WIF1: variants seen among roughly 807,000 people sequenced by gnomAD.
WIF1 encodes Wnt inhibitory factor 1.
A neutral mutation model predicts 53.5 loss-of-function variants in WIF1; 35 were observed. The ratio of observed to expected loss-of-function variants is 0.65; its 90% CI spans 0.50 to 0.87. WIF1 has a LOEUF of 0.87. Ranked by LOEUF, WIF1 falls within the 40% of genes least tolerant of loss-of-function variation. The pLI is 0.00. For synonymous variants in WIF1, 171 were observed against 170.4 expected, an observed-to-expected ratio of 1.00 and a Z score of -0.03; for missense variants, 467 against 476.8, an observed-to-expected ratio of 0.98 and a Z score of 0.19.
At chr12:65,092,594 G>C (rs1403344621) in intron 2 of WIF1, among the ~76,000 whole-genome samples, 2 of 151,864 alleles carry the variant, frequency 1.3e-5, no homozygotes, top group African/African-American at 4.8e-5. Flanking sequence ...TTTTACTAGA[G>C]ACTGGAATAA....
rs553194944 is a variant in WIF1 at position 65,070,015 on chromosome 12, C to A, written c.398-1111G>T. ...AGTTATGGTTTCTGCCAAGCTTGTG[C>A]AAACTGTATCAAGCTAAGACAAATC... On this transcript the variant is annotated intron_variant, in intron 3 of 9. Coordinates refer to ENST00000286574, the MANE Select transcript of WIF1 (RefSeq NM_007191.5). Among the ~76,000 whole-genome samples the A allele has an allele frequency of 1.7e-3, 266 of 152,252 alleles. 1 individual carries two copies. Among genetic ancestry groups the A allele is most frequent in the African/African-American group, 6.2e-3 (256 of 41,554 alleles).
chr12:65,101,208 A>C (rs544515663), intron 2 of WIF1, among the ~76,000 whole-genome samples: 13 of 152,206 alleles, frequency 8.5e-5, no homozygotes, highest in African/African-American at 3.1e-4. Flanking sequence ...GTGAGTAAAA[A>C]GTTTTGCAAG....
At chr12:65,068,281 C>T (rs1054195924) in intron 4 of WIF1, among the ~76,000 whole-genome samples, 1 of 152,006 alleles carries the variant, frequency 6.6e-6, no homozygotes, top group South Asian at 2.1e-4. Context: ...TTGAGTGAGG[C>T]CTTGACCTGG....
intron 6 of WIF1, among the ~76,000 whole-genome samples, chr12:65,066,041 C>G (rs1882681921): frequency 1.3e-5 from 2 of 152,148 alleles, no homozygotes; most frequent in South Asian, 4.1e-4. Context: ...TAGAAGCTCA[C>G]CCACAAAACC....
intron 7 of WIF1, among the ~76,000 whole-genome samples, chr12:65,062,221 T>C (rs1055004690): frequency 1.5e-4 from 23 of 152,118 alleles, no homozygotes; most frequent in African/African-American, 5.3e-4. Context: ...AATGCAACTG[T>C]TGAATAATCC....
At chr12:65,084,443 C>T (rs1045674383) in intron 2 of WIF1, among the ~76,000 whole-genome samples, 2 of 152,144 alleles carry the variant, frequency 1.3e-5, no homozygotes, top group South Asian at 2.1e-4. Flanking sequence ...CTCACTGGCC[C>T]GAGGTGATAC....
At chr12:65,087,656 C>A (rs2136627807) in intron 2 of WIF1, among the ~76,000 whole-genome samples, 1 of 152,046 alleles carries the variant, frequency 6.6e-6, no homozygotes, top group Non-Finnish European at 1.5e-5. Context: ...CAGACTTTCC[C>A]CCTTAGCTTA....
chr12:65,085,741 G>A (rs1883028312), intron 2 of WIF1, among the ~76,000 whole-genome samples: 2 of 152,122 alleles, frequency 1.3e-5, no homozygotes. Context: ...CTGGACTGAG[G>A]GAGTGAGGTT....
At chr12:65,104,129 C>T (rs192167241) in intron 2 of WIF1, among the ~76,000 whole-genome samples, 4 of 152,244 alleles carry the variant, frequency 2.6e-5, no homozygotes, top group Admixed American at 1.3e-4. Flanking sequence ...AGATAATCCA[C>T]GTAAATTACC....
chr12:65,054,197 C>T (rs1419593772), intron 9 of WIF1: 1 of 151,362 alleles, frequency 6.6e-6, no homozygotes, highest in African/African-American at 2.4e-5. Context: ...AGGCATGTGC[C>T]AACACTCCCA....
Position 65,077,789 on chromosome 12 carries a change from G to T in WIF1, c.354C>A (p.Thr118=), listed in dbSNP as rs544348613. 2.5e-6 allele frequency: 4 copies of T among 1,613,844 alleles called. No homozygotes were observed. In the South Asian group the frequency reaches 4.4e-5, roughly 18 times the overall value. Residue 118 remains threonine (T), a synonymous_variant, in exon 3 of 10, where the codon ACC becomes ACA. Transcript: ENST00000286574. Reference sequence around the variant, plus strand: ...CTGTTCCCAGCAGAGGGACATTGACGGTTGGATCTGCCATGATGCCTTTAT... The same window carrying T: ...CTGTTCCCAGCAGAGGGACATTGACTGTTGGATCTGCCATGATGCCTTTAT... ...SLDKGIMADP[T]VNVPLLGTVP...
chr12:65,070,407 A>T (rs569085121), intron 3 of WIF1, among the ~76,000 whole-genome samples: 1 of 152,342 alleles, frequency 6.6e-6, no homozygotes, highest in African/African-American at 2.4e-5. Context: ...ATGAAATCTC[A>T]TATATAAAAA....
intron 7 of WIF1, 37 bp from the exon 8 acceptor site, chr12:65,056,163 G>A (rs762420054): frequency 6.3e-7 from 1 of 1,584,252 alleles, no homozygotes; most frequent in Admixed American, 1.7e-5. Flanking sequence ...CAAGGAACCT[G>A]GTGCTTCATT....
chr12:65,097,925 T>C (rs1883228939), intron 2 of WIF1, among the ~76,000 whole-genome samples: 1 of 152,198 alleles, frequency 6.6e-6, no homozygotes, highest in African/African-American at 2.4e-5. Context: ...AAAACATGTT[T>C]ACTAAATGGA....
chr12:65,059,976 G>C (rs973899376), intron 7 of WIF1, among the ~76,000 whole-genome samples: 2 of 151,938 alleles, frequency 1.3e-5, no homozygotes, highest in Non-Finnish European at 2.9e-5. Context: ...CTTGATAGAG[G>C]TCAGGAGAAA....
intron 9 of WIF1, among the ~76,000 whole-genome samples, chr12:65,051,968 A>G (rs1269553003): frequency 6.6e-5 from 10 of 152,222 alleles, no homozygotes; most frequent in Non-Finnish European, 1.2e-4. Flanking sequence ...AACTTCCATT[A>G]TATGTGTCAG....
chr12:65,104,299 C>T (rs1447897441), intron 2 of WIF1, among the ~76,000 whole-genome samples: 4 of 152,216 alleles, frequency 2.6e-5, no homozygotes, highest in Non-Finnish European at 5.9e-5. Context: ...ACTTCCCCTG[C>T]AAGTATAAAC....
In WIF1 at chr12:65,121,043, C is replaced by T; in HGVS notation, c.148+1G>A. 1 of 1,489,576 alleles carries T rather than the reference C, an allele frequency of 6.7e-7. No homozygotes were observed. Among genetic ancestry groups the T allele is most frequent in the South Asian group, 1.3e-5 (1 of 76,380 alleles). 92.3% of individuals were successfully genotyped at this position (1,489,576 alleles called of 1,614,324 possible). On this transcript the variant is annotated splice_donor_variant, in intron 1 of 9. Transcript: ENST00000286574. LOFTEE classifies it high-confidence loss of function. ...GAAGGCGCTGGAGGCGGGGGCCTTA[C>T]CTATGAGTACTCTTGCCTGGTGAGC... is the stretch of plus-strand genomic sequence containing the variant.
At chr12:65,117,024 T>G (rs1240721941) in intron 2 of WIF1, among the ~76,000 whole-genome samples, 1 of 151,640 alleles carries the variant, frequency 6.6e-6, no homozygotes, top group East Asian at 1.9e-4. Flanking sequence ...ATAAACTACT[T>G]AATTTGTATG....
Sources: gnomAD v4.1 joint callset for allele counts (sites outside exome capture counted in the v4.1 genomes callset) on GRCh38, gnomAD v4.1.1 for gene constraint, MANE v1.5 for transcripts, NCBI Gene and HGNC (gene_info 2026-07-23, HGNC 2026-07-21) for gene names.